Variants in AUTS2 observed in about 807,000 individuals in gnomAD.
The protein encoded by AUTS2 is activator of transcription and developmental regulator AUTS2, also known as autism susceptibility gene 2 protein.
Under a neutral mutation model 112.4 loss-of-function variants are expected in AUTS2, and 17 were observed. The ratio of observed to expected loss-of-function variants is 0.15; its 90% CI spans 0.10 to 0.23. The LOEUF (loss-of-function observed/expected upper bound fraction) is 0.23. Ranked by LOEUF, AUTS2 falls within the 10% of genes least tolerant of loss-of-function variation. The probability of loss-of-function intolerance (pLI) is 1.00; values close to 1 mark genes in which losing one functional copy is unlikely to be tolerated. For synonymous variants in AUTS2, 751 were observed against 702.7 expected, an observed-to-expected ratio of 1.07 and a Z score of -1.09; for missense variants, 1,510 against 1,701.6, an observed-to-expected ratio of 0.89 and a Z score of 1.98.
intron 4 of AUTS2, among the ~76,000 whole-genome samples, chr7:70,327,794 A>C (rs1374714865): frequency 1.3e-5 from 2 of 152,182 alleles, no homozygotes; most frequent in African/African-American, 4.8e-5. Context: ...TGTCAACTGA[A>C]CCACATTTAT....
At chr7:70,532,282 C>T (rs945011650) in intron 5 of AUTS2, among the ~76,000 whole-genome samples, 4 of 152,184 alleles carry the variant, frequency 2.6e-5, no homozygotes, top group Non-Finnish European at 4.4e-5. Context: ...GATGTGGATA[C>T]AGGGAGGCAT....
intron 1 of AUTS2, among the ~76,000 whole-genome samples, chr7:69,834,213 A>T (rs947537881): frequency 1.3e-5 from 2 of 152,128 alleles, no homozygotes; most frequent in Non-Finnish European, 2.9e-5. Flanking sequence ...GGGCTTAGGA[A>T]AACAGTCCAA....
At chr7:70,204,352 G>C (rs953423026) in intron 4 of AUTS2, among the ~76,000 whole-genome samples, 6 of 152,190 alleles carry the variant, frequency 3.9e-5, no homozygotes, top group South Asian at 2.1e-4. Context: ...GTAGAAACAT[G>C]GTCTTTCTTC....
At chr7:70,022,392 C>T (rs540207535) in intron 2 of AUTS2, among the ~76,000 whole-genome samples, 32 of 151,720 alleles carry the variant, frequency 2.1e-4, no homozygotes, top group African/African-American at 7.7e-4. Flanking sequence ...GCGATCTTGC[C>T]TCACTGCAAC....
chr7:70,548,938 A>T (rs1236654558), intron 5 of AUTS2, among the ~76,000 whole-genome samples: 17 of 149,026 alleles, frequency 1.1e-4, no homozygotes, highest in Non-Finnish European at 4.5e-5. Flanking sequence ...CCCCCCCAAA[A>T]AAAAAAAAGT....
chr7:70,226,894 G>C (rs1250781584), intron 4 of AUTS2, among the ~76,000 whole-genome samples: 2 of 152,178 alleles, frequency 1.3e-5, no homozygotes, highest in Admixed American at 6.5e-5. Flanking sequence ...AATTTGAGTT[G>C]TACCAAAGGT....
intron 2 of AUTS2, among the ~76,000 whole-genome samples, chr7:70,087,407 T>C (rs1803666539): frequency 6.6e-6 from 1 of 151,352 alleles, no homozygotes; most frequent in Admixed American, 6.6e-5. Context: ...CTCACTCTTG[T>C]AGCCCAGTCT....
chr7:69,786,583 C>G (rs1332879433), intron 1 of AUTS2, among the ~76,000 whole-genome samples: 2 of 152,166 alleles, frequency 1.3e-5, no homozygotes, highest in Admixed American at 1.3e-4. Context: ...CTCTTTGGGT[C>G]CGTGCCACCT....
chr7:70,587,328 C>T (rs1313870302), intron 5 of AUTS2, among the ~76,000 whole-genome samples: 1 of 152,198 alleles, frequency 6.6e-6, no homozygotes, highest in Non-Finnish European at 1.5e-5. Context: ...TCTCCCATCC[C>T]AGCCTCCCGG....
At chr7:70,724,696 C>T (rs4717545) in intron 6 of AUTS2, among the ~76,000 whole-genome samples, 2,803 of 152,170 alleles carry the variant, frequency 0.018, 45 homozygotes, top group East Asian at 0.059. Context: ...CCGCTTGCCT[C>T]GGCCTCCCAA....
chr7:69,792,232 G>GTTTT (rs148860619), intron 1 of AUTS2, among the ~76,000 whole-genome samples: 3 of 146,754 alleles, frequency 2.0e-5, no homozygotes, highest in South Asian at 2.2e-4. Context: ...TTAAGTTGTT[G>GTTTT]TTTTTTTTTT....
In AUTS2 at chr7:70,708,720, G is replaced by C. The variant is rs571521068; in HGVS notation, c.742+10100G>C. On this transcript the variant is annotated intron_variant, in intron 6 of 18. Coordinates refer to ENST00000342771, the MANE Select transcript of AUTS2 (RefSeq NM_015570.4). Reference sequence around the variant, plus strand: ...TATGTCTCGCATTTAGAGAGCCCCAGAATCTGCCAGCTTGTGCTCATCGTT... The same window carrying C: ...TATGTCTCGCATTTAGAGAGCCCCACAATCTGCCAGCTTGTGCTCATCGTT... Among the ~76,000 whole-genome samples, 4 of 152,200 alleles carry C rather than the reference G, an allele frequency of 2.6e-5. No individual in the cohort carries two copies. In the South Asian group the frequency reaches 8.3e-4, roughly 32 times the overall value.
intron 4 of AUTS2, among the ~76,000 whole-genome samples, chr7:70,276,829 C>A (rs1787951183): frequency 6.6e-6 from 1 of 152,098 alleles, no homozygotes; most frequent in Non-Finnish European, 1.5e-5. Context: ...AGTCATGTGT[C>A]ATAAGAGAAG....
rs935104243 is a variant in AUTS2, at chr7:69,713,863, G to A, written c.309+113901G>A. 1.3e-4 allele frequency among the ~76,000 whole-genome samples: 20 copies of A among 152,052 alleles called. 1 individual carries two copies. Among genetic ancestry groups the A allele is most frequent in the African/African-American group, 4.8e-4 (20 of 41,416 alleles). On this transcript the variant is annotated intron_variant, in intron 1 of 18. Coordinates refer to ENST00000342771, the MANE Select transcript of AUTS2 (RefSeq NM_015570.4). ...GGTTTGTATTTTCATTGACTTAACG[G>A]TGTCTTTTGAATAATAGAGGTTTTA...
intron 1 of AUTS2, among the ~76,000 whole-genome samples, chr7:69,774,518 G>A (rs192954780): frequency 4.8e-4 from 73 of 152,364 alleles, no homozygotes; most frequent in African/African-American, 1.7e-3. Flanking sequence ...AGATGAATCG[G>A]ATGTTGGAAT....
Position 70,501,618 on chromosome 7 carries a change from G to A in AUTS2, c.690+65837G>A, listed in dbSNP as rs140000511. ...TTCCTGGTTTTGTCGTTGGGTAGGG[G>A]TGGTGGTGTTGCCTCCCGGAACCCT... On this transcript the variant is annotated intron_variant, in intron 5 of 18. Transcript: ENST00000342771. 4.1e-3 allele frequency among the ~76,000 whole-genome samples: 617 copies of A among 152,198 alleles called. 3 individuals are homozygous for A. The highest frequency in any genetic ancestry group is 0.014 in the African/African-American group (585 of 41,514).
chr7:70,519,801 T>C (rs1236666409), intron 5 of AUTS2, among the ~76,000 whole-genome samples: 1 of 152,156 alleles, frequency 6.6e-6, no homozygotes, highest in African/African-American at 2.4e-5. Flanking sequence ...TTACTTAATA[T>C]GAGCAGCTTC....
chr7:70,770,022 G>T (rs1246959844), intron 10 of AUTS2, among the ~76,000 whole-genome samples: 2 of 152,174 alleles, frequency 1.3e-5, no homozygotes. Context: ...AAATTTGAGT[G>T]TGTTTCACTG....
At chr7:70,089,194 C>G (rs1431458418) in intron 2 of AUTS2, among the ~76,000 whole-genome samples, 4 of 152,148 alleles carry the variant, frequency 2.6e-5, no homozygotes, top group Non-Finnish European at 5.9e-5. Flanking sequence ...ATTGAAGTCT[C>G]CAGCTAATAT....
Sources: gnomAD v4.1 joint callset for allele counts (sites outside exome capture counted in the v4.1 genomes callset) on GRCh38, gnomAD v4.1.1 for gene constraint, MANE v1.5 for transcripts, NCBI Gene and HGNC (gene_info 2026-07-23, HGNC 2026-07-21) for gene names.